The following KLHL35 variants were observed in gnomAD, a reference collection of about 807,000 sequenced individuals.
The protein encoded by KLHL35 is kelch like family member 35, also known as kelch-like protein 35.
Under a neutral mutation model 44.0 loss-of-function variants are expected in KLHL35, and 50 were observed. The observed-to-expected ratio is 1.14, with a 90% CI of 0.91 to 1.44. The LOEUF (loss-of-function observed/expected upper bound fraction) is 1.44. Ranked by LOEUF, KLHL35 falls within the 40% of genes most tolerant of loss-of-function variation. KLHL35 has a pLI of 0.00. For missense variants in KLHL35, 1,049 were observed against 887.8 expected (o/e 1.18, Z -2.31); for synonymous variants, 470 against 410.4 (o/e 1.15, Z -1.76).
In KLHL35 at chr11:75,430,367, G is replaced by GCTACTGGCA. The variant is rs1299784188; in HGVS notation, c.254_262dup (p.Val85_Val87dup). 5 of 1,341,884 alleles carry GCTACTGGCA rather than the reference G, an allele frequency of 3.7e-6. No homozygotes were observed. Among genetic ancestry groups the GCTACTGGCA allele is most frequent in the Middle Eastern group, 2.6e-4 (1 of 3,888 alleles). The allele number at this position is 1,341,884 out of a possible 1,614,324, so 83.1% of individuals were successfully genotyped here. A position where few individuals can be genotyped will look rare whatever the true frequency, so the allele number is the denominator to read the frequency against. Reference sequence around the variant, plus strand: ...CGGGCTCGTGCCTGGCGCCTCGGGAGCTACTGGCACCACTGGCACCACGGC... The same window carrying GCTACTGGCA: ...CGGGCTCGTGCCTGGCGCCTCGGGAGCTACTGGCACTACTGGCACCACTGGCACCACGGC... On this transcript the variant is annotated inframe_insertion, in exon 2 of 7. Transcript: ENST00000539798.
Position 75,429,827 on chromosome 11 carries a change from C to T in KLHL35, c.803G>A (p.Cys268Tyr). Residue 268 changes from cysteine to tyrosine, a missense_variant, in exon 2 of 7, where the codon TGC becomes TAC. Transcript: ENST00000539798. The stretch of plus-strand genomic sequence containing the variant: ...GCGAGCCTCGAGCAGCAGCGGGCGG[C>T]ACTCGCCGCAGGCCTGCAGCAGCTC... Reference protein sequence around the residue: ...ADELLQACGECRPLLLEARAC... With the variant: ...ADELLQACGEYRPLLLEARAC... 1 of 1,512,156 alleles carries T rather than the reference C, an allele frequency of 6.6e-7. No homozygotes were observed. Among genetic ancestry groups the T allele is most frequent in the South Asian group, 1.2e-5 (1 of 81,998 alleles). The allele number at this position is 1,512,156 out of a possible 1,614,324, so 93.7% of individuals were successfully genotyped here.
rs1434426883 is a variant in KLHL35 at position 75,433,098 on chromosome 11, C to T, written c.-57G>A. 1.3e-5 allele frequency among the ~76,000 whole-genome samples: 2 copies of T among 152,178 alleles called. No individual in the cohort carries two copies. Among genetic ancestry groups the T allele is most frequent in the African/African-American group, 4.8e-5 (2 of 41,454 alleles). ...GCTGCTGCTCTCACAGGTATCACTC[C>T]CGTTTGTGCCTGCCGCCCGCACCCC... is the stretch of plus-strand genomic sequence containing the variant. On this transcript the variant is annotated 5_prime_UTR_variant, in exon 1 of 7. Coordinates refer to ENST00000539798, the MANE Select transcript of KLHL35 (RefSeq NM_001039548.3).
Position 75,430,351 on chromosome 11 carries a change from G to C in KLHL35, c.279C>G (p.Gly93=). 1 of 1,319,986 alleles carries C rather than the reference G, an allele frequency of 7.6e-7. No individual in the cohort carries two copies. Among genetic ancestry groups the C allele is most frequent in the African/African-American group, 1.6e-5 (1 of 63,910 alleles). 81.8% of individuals were successfully genotyped at this position (1,319,986 alleles called of 1,614,324 possible). ...CCGCCGCCGCCCCGGCCGGGCTCGTGCCTGGCGCCTCGGGAGCTACTGGCA... is the reference window on the plus strand; with the variant it reads ...CCGCCGCCGCCCCGGCCGGGCTCGTCCCTGGCGCCTCGGGAGCTACTGGCA... The part of the protein sequence containing the change: ...PVVPVAPEAP[G]TSPAGAAAAL... The change falls in exon 2 of 7, where the codon GGC becomes GGG. Residue 93 remains glycine (G), a synonymous_variant. Transcript: ENST00000539798.
Position 75,430,103 on chromosome 11 carries a change from C to T in KLHL35, c.527G>A (p.Arg176His). 7.7e-7 allele frequency: 1 copy of T among 1,305,892 alleles called. No homozygotes were observed. The highest frequency in any genetic ancestry group is 4.1e-5 in the Admixed American group (1 of 24,318). The allele number at this position is 1,305,892 out of a possible 1,614,324, so 80.9% of individuals were successfully genotyped here. ...CTCGGCGAAGGCCTGACGCAGGACG[C>T]GGCCGCAGCGCTCGGCCAGCGGGGC... ...SLAPLAERCGRVLRQAFAEVA... is the reference protein window; with the variant it reads ...SLAPLAERCGHVLRQAFAEVA... The change falls in exon 2 of 7, where the codon CGC becomes CAC. Residue 176 changes from arginine (R) to histidine (H), a missense_variant. Transcript: ENST00000539798.
At chr11:75,428,055 G>A (rs1170172112) in intron 3 of KLHL35, among the ~76,000 whole-genome samples, 1 of 152,192 alleles carries the variant, frequency 6.6e-6, no homozygotes, top group African/African-American at 2.4e-5. Context: ...TGCCATTTTT[G>A]AGACAATGGG....
chr11:75,428,442 C>G lies in KLHL35; in HGVS notation c.1066G>C (p.Gly356Arg). ...CALRNDVYVS[G>R]GHINSHDVWM... ...GCTCCCGTTGCGGCTCCGCCCTCAC[C>G]GGAGACGTAGACGTCATTGCGGAGA... Residue 356 changes from glycine to arginine, a missense_variant and splice_region_variant, in exon 3 of 7, where the codon GGA becomes CGA. By Grantham distance (125) the Gly-to-Arg change is moderately radical. Coordinates refer to ENST00000539798, the MANE Select transcript of KLHL35 (RefSeq NM_001039548.3). 2.5e-6 allele frequency: 4 copies of G among 1,612,220 alleles called. No individual in the cohort carries two copies. Among genetic ancestry groups the G allele is most frequent in the Non-Finnish European group, 3.4e-6 (4 of 1,179,816 alleles).
intron 6 of KLHL35, chr11:75,423,064 A>C (rs1255688083): frequency 5.0e-6 from 2 of 402,014 alleles, no homozygotes; most frequent in Non-Finnish European, 9.1e-6. Flanking sequence ...GAAGTTAAGC[A>C]TATAAAGCAT....
chr11:75,423,259 T>C (rs1407042683), intron 6 of KLHL35: 1 of 192,444 alleles, frequency 5.2e-6, no homozygotes, highest in Non-Finnish European at 1.1e-5. Context: ...GAGAAGAAGG[T>C]AGGGGAGGCA....
Position 75,423,861 on chromosome 11 carries a change from T to C in KLHL35, c.1394A>G (p.Lys465Arg), listed in dbSNP as rs201287246. The C allele has an allele frequency of 6.3e-5, 102 of 1,613,392 alleles. No individual in the cohort carries two copies. The highest frequency in any genetic ancestry group is 7.8e-5 in the Non-Finnish European group (92 of 1,179,682). Residue 465 changes from lysine to arginine, a missense_variant, in exon 6 of 7, where the codon AAG becomes AGG. Coordinates refer to ENST00000539798, the MANE Select transcript of KLHL35 (RefSeq NM_001039548.3). ...TGACCGCAGGCTCCACCGGTCCTCCTTGGGGTCAAAGCACTGCACCTGAGG... is the reference window on the plus strand; with the variant it reads ...TGACCGCAGGCTCCACCGGTCCTCCCTGGGGTCAAAGCACTGCACCTGAGG... The part of the protein sequence containing the change: ...NTDKVQCFDP[K>R]EDRWSLRSPA...
intron 1 of KLHL35, 115 bp from the exon 2 acceptor site, chr11:75,430,745 C>T (rs1948531777): frequency 5.5e-6 from 5 of 917,270 alleles, no homozygotes; most frequent in Non-Finnish European, 7.2e-6. Flanking sequence ...CGACTCTCCC[C>T]TCCGTTCAGC....
chr11:75,429,830 T>G lies in KLHL35; in HGVS notation c.800A>C (p.Glu267Ala). ...AGCCTCGAGCAGCAGCGGGCGGCAC[T>G]CGCCGCAGGCCTGCAGCAGCTCGTC... ...EADELLQACG[E>A]CRPLLLEARA... The change falls in exon 2 of 7, where the codon GAG becomes GCG. Residue 267 changes from glutamate (E) to alanine (A), a missense_variant. Physicochemically the swap from Glu to Ala is moderately radical, Grantham distance 107. Transcript: ENST00000539798. 2 of 1,512,238 alleles carry G rather than the reference T, an allele frequency of 1.3e-6. No individual in the cohort carries two copies. Among genetic ancestry groups the G allele is most frequent in the Non-Finnish European group, 1.8e-6 (2 of 1,137,782 alleles). 93.7% of individuals were successfully genotyped at this position (1,512,238 alleles called of 1,614,324 possible).
chr11:75,426,258 T>TGTAA (rs1565171268), intron 4 of KLHL35: 1 of 279,916 alleles, frequency 3.6e-6, no homozygotes, highest in Non-Finnish European at 6.7e-6. Flanking sequence ...GACAGATTCT[T>TGTAA]TTATTCTTGA....
chr11:75,430,552 G>T lies in KLHL35; in HGVS notation c.78C>A (p.Arg26=). 6.9e-7 allele frequency: 1 copy of T among 1,456,800 alleles called. No homozygotes were observed. Among genetic ancestry groups the T allele is most frequent in the Non-Finnish European group, 9.0e-7 (1 of 1,109,696 alleles). 90.2% of individuals were successfully genotyped at this position (1,456,800 alleles called of 1,614,324 possible). A position where few individuals can be genotyped will look rare whatever the true frequency, so the allele number is the denominator to read the frequency against. ...GGTAGGCGTTCAGGGCCTGCAGCAC[G>T]CGCTGCGCGTGGCACGGACCCGCGC... ...APCAGPCHAQ[R]VLQALNAYRR... Residue 26 remains arginine, a synonymous_variant, in exon 2 of 7, where the codon CGC becomes CGA. Coordinates refer to ENST00000539798, the MANE Select transcript of KLHL35 (RefSeq NM_001039548.3).
At chr11:75,427,832 T>C (rs1948503830) in intron 3 of KLHL35, among the ~76,000 whole-genome samples, 2 of 152,236 alleles carry the variant, frequency 1.3e-5, no homozygotes, top group South Asian at 2.1e-4. Flanking sequence ...CTATGAACCC[T>C]GGCTAGATTC....
Position 75,426,615 on chromosome 11 carries a change from C to T in KLHL35, c.1090G>A (p.Val364Met). 1 of 1,602,976 alleles carries T rather than the reference C, an allele frequency of 6.2e-7. No individual in the cohort carries two copies. Among genetic ancestry groups the T allele is most frequent in the Non-Finnish European group, 8.5e-7 (1 of 1,175,878 alleles). ...TGCAGATGGGAGCTAAACATCCACA[C>T]ATCATGACTGTTGATGTGGCCTCCT... is the stretch of plus-strand genomic sequence containing the variant. The part of the protein sequence containing the change: ...VSGGHINSHD[V>M]WMFSSHLHTW... Residue 364 changes from valine (V) to methionine (M), a missense_variant, in exon 4 of 7, where the codon GTG becomes ATG. Physicochemically the swap from Val to Met is conservative, Grantham distance 21. Transcript: ENST00000539798.
rs749528114 is a variant in KLHL35 at position 75,422,707 on chromosome 11, C to A, written c.1625G>T (p.Arg542Leu). The change falls in exon 7 of 7, where the codon CGC becomes CTC. Residue 542 changes from arginine (R) to leucine (L), a missense_variant. Transcript: ENST00000539798. ...GAAGACCTTATCGGTGCTTTCTCCGCGATCATCCCGCCCGCCAAGGATGTG... is the reference window on the plus strand; with the variant it reads ...GAAGACCTTATCGGTGCTTTCTCCGAGATCATCCCGCCCGCCAAGGATGTG... ...KVHILGGRDD[R>L]GESTDKVFTF... 1 of 1,614,046 alleles carries A rather than the reference C, an allele frequency of 6.2e-7. No individual in the cohort carries two copies. The highest frequency in any genetic ancestry group is 8.5e-7 in the Non-Finnish European group (1 of 1,179,900).
In KLHL35 at chr11:75,429,923, C is replaced by T; in HGVS notation, c.707G>A (p.Arg236Gln). Residue 236 changes from arginine to glutamine, a missense_variant, in exon 2 of 7, where the codon CGA (arginine) becomes CAA (glutamine). By Grantham distance (43) the Arg-to-Gln change is conservative. Coordinates refer to ENST00000539798, the MANE Select transcript of KLHL35 (RefSeq NM_001039548.3). ...HDAPARRGQL[R>Q]RLLEHVRLPL... ...CAGGCGCACGTGCTCCAGCAGGCGT[C>T]GCAGCTGGCCGCGGCGGGCCGGCGC... 2 of 1,473,700 alleles carry T rather than the reference C, an allele frequency of 1.4e-6. No homozygotes were observed. The highest frequency in any genetic ancestry group is 1.3e-5 in the South Asian group (1 of 77,188). The allele number at this position is 1,473,700 out of a possible 1,614,324, so 91.3% of individuals were successfully genotyped here.
intron 2 of KLHL35, 118 bp from the exon 3 acceptor site, chr11:75,428,744 G>T: frequency 1.2e-6 from 1 of 805,732 alleles, no homozygotes. Flanking sequence ...CATCACCCCC[G>T]CCCACCCGAT....
intron 3 of KLHL35, 84 bp downstream of exon 3, chr11:75,428,358 C>T (rs1380962941): frequency 7.4e-6 from 11 of 1,485,884 alleles, no homozygotes; most frequent in African/African-American, 6.9e-5. Context: ...CCCTCTCTCC[C>T]GATTGGAGGG....
Sources: allele counts gnomAD v4.1 joint callset (sites outside exome capture counted in the v4.1 genomes callset), GRCh38; gene constraint gnomAD v4.1.1; transcripts MANE v1.5; gene names NCBI Gene and HGNC (gene_info 2026-07-23, HGNC 2026-07-21).